The following NME1 variants were observed in gnomAD, a reference collection of about 807,000 sequenced individuals.
NME1 encodes the protein NME/NM23 nucleoside diphosphate kinase 1.
NME1 carries 9 observed loss-of-function variants against 17.2 expected under a neutral mutation model. The observed-to-expected ratio is 0.52, with a 90% CI of 0.32 to 0.92. The LOEUF (loss-of-function observed/expected upper bound fraction) is 0.92. Among genes scored for constraint, NME1 ranks in the 40% least tolerant of loss-of-function variants. The pLI is 0.04. For missense variants in NME1, 169 were observed against 201.7 expected (o/e 0.84, Z 0.98); for synonymous variants, 72 against 70.8 (o/e 1.02, Z -0.09).
At chr17:51,160,364 T>G (rs577365488) in intron 3 of NME1, 1 of 488,812 alleles carries the variant, frequency 2.0e-6, no homozygotes, top group East Asian at 4.2e-5. Flanking sequence ...GCCAGCCATG[T>G]ACAGAATCAC....
At position 51,154,348 on chromosome 17, in the gene NME1, A is replaced by T. The variant is rs775955500; in HGVS notation, c.-5+686A>T. On this transcript the variant is annotated intron_variant, in intron 1 of 4. Transcript: ENST00000393196. ...AAGATGCTGTAAGAAGAGGTTAACT[A>T]AAGGACAGGAAGATGGGGCCAAGAG... is the stretch of plus-strand genomic sequence containing the variant. 6 of 1,611,532 alleles carry T rather than the reference A, an allele frequency of 3.7e-6. No homozygotes were observed. The South Asian group carries it at 6.6e-5, about 18-fold the overall frequency.
At chr17:51,160,591 C>A (rs76221971) in intron 3 of NME1, 7,658 of 247,180 alleles carry the variant, frequency 0.031, 160 homozygotes, top group Admixed American at 0.047. Flanking sequence ...AGCTATGGGA[C>A]ACTTCACACT....
rs781295906 is a variant in NME1, at chr17:51,161,838, A to G, written c.452A>G (p.Tyr151Cys). The change falls in exon 5 of 5, where the codon TAT becomes TGT. Residue 151 changes from tyrosine (Y) to cysteine (C), a missense_variant. Coordinates refer to ENST00000393196, the MANE Select transcript of NME1 (RefSeq NM_000269.3). ...ACGAGCTGTGCTCAGAACTGGATCTATGAATGACAGGAGGGCAGACCACAT... is the reference window on the plus strand; with the variant it reads ...ACGAGCTGTGCTCAGAACTGGATCTGTGAATGACAGGAGGGCAGACCACAT... ...DYTSCAQNWI[Y>C]E is the part of the protein sequence containing the mutation. The G allele has an allele frequency of 6.8e-6, 11 of 1,607,486 alleles. No homozygotes were observed. The highest frequency in any genetic ancestry group is 4.0e-5 in the African/African-American group (3 of 74,846).
chr17:51,154,211 C>T, intron 1 of NME1: 1 of 644,688 alleles, frequency 1.6e-6, no homozygotes, highest in Non-Finnish European at 2.9e-6. Flanking sequence ...TTCTTTGCTC[C>T]TATTGACTGC....
intron 1 of NME1, 91 bp downstream of exon 1, chr17:51,153,753 G>T: frequency 6.4e-6 from 1 of 156,996 alleles, no homozygotes; most frequent in South Asian, 1.8e-4. Context: ...GATGAGTTCA[G>T]CTCTAAGAGG....
intron 3 of NME1, among the ~76,000 whole-genome samples, chr17:51,160,767 G>A (rs1348547068): frequency 3.9e-5 from 6 of 151,938 alleles, no homozygotes; most frequent in Non-Finnish European, 5.9e-5. Flanking sequence ...CCGCCACCAC[G>A]CCCAGCTAAT....
chr17:51,155,863 T>C (rs58429717), intron 2 of NME1, 83 bp downstream of exon 2: 16,496 of 1,592,052 alleles, frequency 0.01, 400 homozygotes, highest in African/African-American at 0.088. Context: ...CCCGTCTTTC[T>C]TATTTAAAGT....
intron 1 of NME1, chr17:51,154,351 G>T (rs199554302): frequency 6.0e-5 from 97 of 1,612,290 alleles, no homozygotes; most frequent in Admixed American, 1.8e-4. Flanking sequence ...GTTAACTAAA[G>T]GACAGGAAGA....
In NME1 at chr17:51,161,957, G is replaced by C. The variant is rs1038326820; in HGVS notation, c.*112G>C. 1.3e-6 allele frequency: 1 copy of C among 768,404 alleles called. No individual in the cohort carries two copies. Among genetic ancestry groups the C allele is most frequent in the Non-Finnish European group, 2.3e-6 (1 of 434,412 alleles). 47.6% of individuals were successfully genotyped at this position (768,404 alleles called of 1,614,324 possible). A position where few individuals can be genotyped will look rare whatever the true frequency, so the allele number is the denominator to read the frequency against. On this transcript the variant is annotated 3_prime_UTR_variant, in exon 5 of 5. Transcript: ENST00000393196. ...ACAGGAACTTCATCATAATTTGGAGGGAAGCTCTTGGAGCTGTGAGTTCTC... is the reference window on the plus strand; with the variant it reads ...ACAGGAACTTCATCATAATTTGGAGCGAAGCTCTTGGAGCTGTGAGTTCTC...
intron 2 of NME1, among the ~76,000 whole-genome samples, chr17:51,158,507 A>C (rs1425577719): frequency 2.0e-5 from 3 of 152,252 alleles, no homozygotes; most frequent in African/African-American, 7.2e-5. Context: ...TATTCTGATA[A>C]GGGAAGGTCA....
At chr17:51,154,542 C>G in intron 1 of NME1, 5 of 1,029,206 alleles carry the variant, frequency 4.9e-6, no homozygotes, top group African/African-American at 1.6e-5. Context: ...TCAGATATTC[C>G]TAATGTCTGT....
chr17:51,161,739 A>C lies in NME1; in HGVS notation c.353A>C (p.His118Pro), dbSNP rs2049867091. The change falls in exon 5 of 5, where the codon CAT (histidine) becomes CCT (proline). Residue 118 changes from histidine to proline, a missense_variant. Coordinates refer to ENST00000393196, the MANE Select transcript of NME1 (RefSeq NM_000269.3). ...CTTTCTCCACCCAGGAACATTATAC[A>C]TGGCAGTGATTCTGTGGAGAGTGCA... ...FCIQVGRNII[H>P]GSDSVESAEK... 6.2e-7 allele frequency: 1 copy of C among 1,613,212 alleles called. No individual in the cohort carries two copies. The highest frequency in any genetic ancestry group is 8.5e-7 in the Non-Finnish European group (1 of 1,179,138).
At chr17:51,157,487 T>G (rs2049803882) in intron 2 of NME1, among the ~76,000 whole-genome samples, 1 of 152,168 alleles carries the variant, frequency 6.6e-6, no homozygotes, top group African/African-American at 2.4e-5. Flanking sequence ...ACACCTCCCA[T>G]TAGGCCTCAC....
chr17:51,156,028 G>A (rs962924662), intron 2 of NME1: 2 of 418,724 alleles, frequency 4.8e-6, no homozygotes, highest in Non-Finnish European at 4.5e-6. Context: ...GCAGTGCAGA[G>A]TTCCACATAT....
intron 2 of NME1, among the ~76,000 whole-genome samples, chr17:51,159,413 ATGGCGAAACCC>A (rs2049832647): frequency 6.6e-6 from 1 of 152,122 alleles, no homozygotes; most frequent in Non-Finnish European, 1.5e-5. Context: ...CCTGGCCAAC[ATGGCGAAACCC>A]TGTTTCTACT....
intron 4 of NME1, 33 bp downstream of exon 4, chr17:51,161,305 A>C (rs758333484): frequency 6.4e-7 from 1 of 1,562,608 alleles, no homozygotes; most frequent in East Asian, 2.3e-5. Flanking sequence ...CCTTTTCCAA[A>C]ATCTGATTTA....
chr17:51,160,548 G>T (rs8071647), intron 3 of NME1: 61,926 of 326,536 alleles, frequency 0.19, 6,248 homozygotes, highest in African/African-American at 0.28. Flanking sequence ...TCTCTTAGGG[G>T]TGTGTTGACC....
intron 1 of NME1, chr17:51,154,157 C>CTTTTTTT (rs200349379): frequency 1.9e-6 from 1 of 531,716 alleles, no homozygotes; most frequent in African/African-American, 2.0e-5. Context: ...TTGTCTCTCT[C>CTTTTTTT]TCTTTTTTTT....
intron 2 of NME1, 115 bp downstream of exon 2, chr17:51,155,895 A>G: frequency 6.5e-7 from 1 of 1,537,788 alleles, no homozygotes; most frequent in Non-Finnish European, 8.9e-7. Context: ...GAGTGAACAC[A>G]AGTGTCTTGA....
Sources: gnomAD v4.1 joint callset for allele counts (sites outside exome capture counted in the v4.1 genomes callset) on GRCh38, gnomAD v4.1.1 for gene constraint, MANE v1.5 for transcripts, NCBI Gene and HGNC (gene_info 2026-07-23, HGNC 2026-07-21) for gene names.